KCNN2: variants seen among roughly 807,000 people sequenced by gnomAD.
KCNN2 encodes small conductance calcium-activated potassium channel protein 2.
KCNN2 carries 24 observed loss-of-function variants against 55.5 expected under a neutral mutation model. The observed-to-expected ratio is 0.43, with a 90% CI of 0.31 to 0.61. KCNN2 has a LOEUF of 0.61. Among genes scored for constraint, KCNN2 ranks in the 20% least tolerant of loss-of-function variants. The probability of loss-of-function intolerance (pLI) is 0.08; values close to 1 mark genes in which losing one functional copy is unlikely to be tolerated. For missense variants in KCNN2, 754 were observed against 853.6 expected (o/e 0.88, Z 1.45); for synonymous variants, 431 against 336.1 (o/e 1.28, Z -3.09).
chr5:114,373,984 G>A (rs1757858511), intron 2 of KCNN2, among the ~76,000 whole-genome samples: 1 of 151,850 alleles, frequency 6.6e-6, no homozygotes, highest in Non-Finnish European at 1.5e-5. Flanking sequence ...ATTTAGTTCT[G>A]AATCTTCCTG....
chr5:114,109,706 C>G (rs150732840), intron 1 of KCNN2, among the ~76,000 whole-genome samples: 1 of 152,158 alleles, frequency 6.6e-6, no homozygotes, highest in African/African-American at 2.4e-5. Context: ...ACAAGAGGTT[C>G]CAAACTGTGG....
At chr5:114,208,024 A>G (rs1283567274) in intron 1 of KCNN2, among the ~76,000 whole-genome samples, 2 of 152,208 alleles carry the variant, frequency 1.3e-5, no homozygotes, top group East Asian at 3.9e-4. Context: ...TGTGACTGGC[A>G]CTGGGTTCTA....
chr5:114,335,995 G>C (rs1279990892), intron 2 of KCNN2, among the ~76,000 whole-genome samples: 2 of 152,158 alleles, frequency 1.3e-5, no homozygotes, highest in Non-Finnish European at 1.5e-5. Context: ...TTACTGTCAA[G>C]CTACTCCCTG....
chr5:114,212,717 T>G (rs1753914086), intron 1 of KCNN2, among the ~76,000 whole-genome samples: 1 of 151,946 alleles, frequency 6.6e-6, no homozygotes, highest in Admixed American at 6.6e-5. Flanking sequence ...TAAGAACAGG[T>G]GATAAACATG....
chr5:114,372,116 G>A (rs1370184761), intron 2 of KCNN2, among the ~76,000 whole-genome samples: 1 of 152,156 alleles, frequency 6.6e-6, no homozygotes, highest in Non-Finnish European at 1.5e-5. Context: ...TCCTGTGTGT[G>A]GATGATCTAT....
intron 2 of KCNN2, among the ~76,000 whole-genome samples, chr5:114,262,133 C>T (rs555171937): frequency 9.3e-4 from 142 of 152,212 alleles, no homozygotes; most frequent in Admixed American, 1.7e-3. Context: ...TTGCTTGTGC[C>T]GATCTATATT....
At chr5:114,223,200 A>C (rs4288107) in intron 2 of KCNN2, among the ~76,000 whole-genome samples, 121,240 of 152,072 alleles carry the variant, frequency 0.8, 48,684 homozygotes, top group East Asian at 0.9. Flanking sequence ...ATCGTTTGAC[A>C]CTAACAGTTT....
At chr5:114,473,218 GT>G in intron 5 of KCNN2, 54 bp downstream of exon 5, 1 of 1,165,786 alleles carries the variant, frequency 8.6e-7, no homozygotes, top group Non-Finnish European at 1.3e-6. Context: ...TTTTTTCAGT[GT>G]TAGGAAATAT....
Position 114,362,200 on chromosome 5 carries a change from C to CTGTTTCGTCCTCA in KCNN2, c.61_62insTGTTTCGTCCTCA (p.Arg21LeufsTer69). The CTGTTTCGTCCTCA allele has an allele frequency of 5.9e-6, 1 of 169,448 alleles. No individual in the cohort carries two copies. Among genetic ancestry groups the CTGTTTCGTCCTCA allele is most frequent in the Non-Finnish European group, 1.2e-5 (1 of 80,302 alleles). 10.5% of individuals were successfully genotyped at this position (169,448 alleles called of 1,614,324 possible). On this transcript the variant is annotated frameshift_variant, in exon 1 of 8. Transcript: ENST00000673685. LOFTEE classifies it high-confidence loss of function. ...CCCAGAGCAGCCGCCGCCGCCGCCG[C>CTGTTTCGTCCTCA]GCTCCTCACACCTGCATTGCCAGCA...
chr5:114,407,172 G>T (rs13183393), intron 3 of KCNN2, among the ~76,000 whole-genome samples: 33,760 of 151,764 alleles, frequency 0.22, 4,221 homozygotes, highest in Non-Finnish European at 0.28. Context: ...GTTCAATCTC[G>T]AAATTCATGT....
In KCNN2 at chr5:114,241,824, G is replaced by GTA. The variant is rs70976327; in HGVS notation, c.-185+20279_-185+20280dup. 2.3e-3 allele frequency among the ~76,000 whole-genome samples: 75 copies of GTA among 31,948 alleles called. 27 individuals are homozygous for GTA. The highest frequency in any genetic ancestry group is 4.0e-3 in the Admixed American group (10 of 2,492). The allele number at this position is 31,948 out of a possible 152,430, so 21.0% of individuals were successfully genotyped here. On this transcript the variant is annotated intron_variant, in intron 2 of 10. Transcript: ENST00000512097. ...TATATACGTATATATATATATGTGTGTATATATATATATATATATATGGAG... is the reference window on the plus strand; with the variant it reads ...TATATACGTATATATATATATGTGTGTATATATATATATATATATATATGGAG...
chr5:114,301,052 A>ATTT (rs10640846), intron 2 of KCNN2, among the ~76,000 whole-genome samples: 66,572 of 149,924 alleles, frequency 0.44, 15,672 homozygotes, highest in Non-Finnish European at 0.53. Flanking sequence ...TTTATTAAAT[A>ATTT]TTTTTTTTTT....
At chr5:114,083,704 C>T (rs1006302004) in intron 1 of KCNN2, among the ~76,000 whole-genome samples, 20 of 152,016 alleles carry the variant, frequency 1.3e-4, no homozygotes, top group African/African-American at 4.6e-4. Context: ...AACTAAAATA[C>T]CTATTTTAAA....
intron 2 of KCNN2, among the ~76,000 whole-genome samples, chr5:114,327,552 C>G (rs940017679): frequency 6.6e-6 from 1 of 152,118 alleles, no homozygotes; most frequent in African/African-American, 2.4e-5. Flanking sequence ...TGAGAAATAA[C>G]TGGCCAGAAA....
intron 2 of KCNN2, among the ~76,000 whole-genome samples, chr5:114,365,685 G>T (rs1248708703): frequency 6.6e-6 from 1 of 152,164 alleles, no homozygotes; most frequent in Non-Finnish European, 1.5e-5. Context: ...TTCTTTTTCT[G>T]CAGTTTCCCT....
At chr5:114,266,799 A>G (rs894822599) in intron 2 of KCNN2, among the ~76,000 whole-genome samples, 1 of 152,202 alleles carries the variant, frequency 6.6e-6, no homozygotes, top group African/African-American at 2.4e-5. Flanking sequence ...CATCAAAAGT[A>G]CATAATATTA....
intron 2 of KCNN2, among the ~76,000 whole-genome samples, chr5:114,267,233 T>G (rs1290122225): frequency 1.3e-5 from 2 of 152,114 alleles, no homozygotes; most frequent in African/African-American, 4.8e-5. Flanking sequence ...GACCTCGTGA[T>G]CCACCCACCC....
At chr5:114,256,792 T>TATTTTCACCC (rs1754991710) in intron 2 of KCNN2, among the ~76,000 whole-genome samples, 1 of 152,054 alleles carries the variant, frequency 6.6e-6, no homozygotes, top group African/African-American at 2.4e-5. Flanking sequence ...GTCAGATGCA[T>TATTTTCACCC]ATTTTCACCC....
chr5:114,222,276 A>G (rs910197826), intron 2 of KCNN2, among the ~76,000 whole-genome samples: 12 of 152,184 alleles, frequency 7.9e-5, no homozygotes, highest in African/African-American at 2.9e-4. Context: ...AAGCTGTAAG[A>G]CCCTAGTAAA....
Sources: allele counts gnomAD v4.1 joint callset (sites outside exome capture counted in the v4.1 genomes callset), GRCh38; gene constraint gnomAD v4.1.1; transcripts MANE v1.5; gene names NCBI Gene and HGNC (gene_info 2026-07-23, HGNC 2026-07-21).